Variants in SOX5 observed in about 807,000 individuals in gnomAD.
SOX5 encodes transcription factor SOX-5.
Under a neutral mutation model 92.0 loss-of-function variants are expected in SOX5, and 9 were observed. The observed-to-expected ratio is 0.10, with a 90% CI of 0.06 to 0.17. The LOEUF is 0.17. Ranked by LOEUF, SOX5 falls within the 10% of genes least tolerant of loss-of-function variation. The pLI is 1.00. For missense variants in SOX5, 642 were observed against 944.5 expected (o/e 0.68, Z 4.20); for synonymous variants, 344 against 336.3 (o/e 1.02, Z -0.25).
At chr12:24,320,069 C>T (rs1367551699) in intron 2 of SOX5, among the ~76,000 whole-genome samples, 3 of 152,172 alleles carry the variant, frequency 2.0e-5, no homozygotes, top group African/African-American at 7.2e-5. Context: ...ATTCATTTTG[C>T]ATTCTCAGTG....
chr12:23,876,562 C>A (rs981250847), intron 2 of SOX5, among the ~76,000 whole-genome samples: 2 of 152,178 alleles, frequency 1.3e-5, no homozygotes, highest in Admixed American at 1.3e-4. Context: ...TTGTGGAAGA[C>A]AGTGTGGCGA....
At position 24,304,304 on chromosome 12, in the gene SOX5, G is replaced by A. The variant is rs1470525429; in HGVS notation, c.-173-26992C>T. Among the ~76,000 whole-genome samples, 3 of 152,254 alleles carry A rather than the reference G, an allele frequency of 2.0e-5. No individual in the cohort carries two copies. In the South Asian group the frequency reaches 6.2e-4, roughly 32 times the overall value. ...TTGGTTTTAGAATATCGGATATGTT[G>A]GGTAGAAGAATGGAAAATGAAGTAG... On this transcript the variant is annotated intron_variant, in intron 2 of 4. Transcript: ENST00000446891.
intron 4 of SOX5, among the ~76,000 whole-genome samples, chr12:24,190,433 C>T (rs1351971020): frequency 1.3e-5 from 2 of 152,144 alleles, no homozygotes; most frequent in Non-Finnish European, 1.5e-5. Flanking sequence ...AAAACCTATA[C>T]GGAGGTCTCC....
chr12:23,624,300 C>T (rs2077510678), intron 8 of SOX5, among the ~76,000 whole-genome samples: 1 of 151,996 alleles, frequency 6.6e-6, no homozygotes, highest in South Asian at 2.1e-4. Context: ...TATGTAATGC[C>T]ACTGAACTGT....
chr12:23,713,376 G>T (rs941047677), intron 6 of SOX5, among the ~76,000 whole-genome samples: 19 of 152,104 alleles, frequency 1.2e-4, no homozygotes, highest in African/African-American at 4.6e-4. Context: ...AAGTTTGTGG[G>T]TAATTTATTA....
intron 1 of SOX5, among the ~76,000 whole-genome samples, chr12:24,423,313 T>C (rs1368618266): frequency 6.6e-6 from 1 of 152,202 alleles, no homozygotes; most frequent in East Asian, 1.9e-4. Context: ...AAGGCTTATA[T>C]TTTCTTGACC....
chr12:23,931,812 T>A (rs879186881), intron 1 of SOX5, among the ~76,000 whole-genome samples: 1 of 151,700 alleles, frequency 6.6e-6, no homozygotes, highest in Admixed American at 6.6e-5. Context: ...GTATGAACTC[T>A]AACAAAATAC....
At chr12:24,098,447 G>A (rs1569541857) in intron 4 of SOX5, among the ~76,000 whole-genome samples, 1 of 152,026 alleles carries the variant, frequency 6.6e-6, no homozygotes, top group South Asian at 2.1e-4. Flanking sequence ...GTATCAAGTT[G>A]ACCCTTTAAC....
intron 7 of SOX5, among the ~76,000 whole-genome samples, chr12:23,662,373 C>T (rs887870995): frequency 1.3e-5 from 2 of 152,154 alleles, no homozygotes; most frequent in African/African-American, 4.8e-5. Flanking sequence ...ACATCAACAT[C>T]TGTGAACTGA....
intron 4 of SOX5, 70 bp from the exon 5 acceptor site, chr12:23,741,109 CT>C: frequency 8.4e-7 from 1 of 1,192,636 alleles, no homozygotes; most frequent in Non-Finnish European, 1.1e-6. Context: ...GAAAATGGCT[CT>C]GTTGTATACA....
At chr12:24,531,281 T>G (rs559531522) in intron 1 of SOX5, among the ~76,000 whole-genome samples, 59 of 152,300 alleles carry the variant, frequency 3.9e-4, no homozygotes, top group African/African-American at 1.4e-3. Context: ...ATCTGAAAAC[T>G]TAATATGAGA....
At chr12:23,539,879 AT>A (rs1941545603) in intron 13 of SOX5, among the ~76,000 whole-genome samples, 1 of 152,174 alleles carries the variant, frequency 6.6e-6, no homozygotes, top group Non-Finnish European at 1.5e-5. Flanking sequence ...TGACTACTAT[AT>A]TTTATGACAG....
intron 1 of SOX5, among the ~76,000 whole-genome samples, chr12:24,509,371 A>G (rs572530708): frequency 6.6e-6 from 1 of 151,890 alleles, no homozygotes; most frequent in Non-Finnish European, 1.5e-5. Flanking sequence ...TTTTTCCTCC[A>G]TAGTAGTCTC....
intron 1 of SOX5, among the ~76,000 whole-genome samples, chr12:24,554,347 C>T (rs1307006496): frequency 1.3e-5 from 2 of 152,146 alleles, no homozygotes; most frequent in African/African-American, 4.8e-5. Context: ...AACACACTGT[C>T]AAAAGTATGA....
chr12:24,130,119 G>A (rs1287490093), intron 4 of SOX5, among the ~76,000 whole-genome samples: 1 of 152,124 alleles, frequency 6.6e-6, no homozygotes, highest in South Asian at 2.1e-4. Flanking sequence ...AGTGTGAGAG[G>A]GAACTACAGG....
intron 1 of SOX5, among the ~76,000 whole-genome samples, chr12:24,424,780 G>C (rs1285082314): frequency 1.4e-5 from 2 of 147,594 alleles, no homozygotes; most frequent in Non-Finnish European, 3.0e-5. Context: ...TGTATGATCT[G>C]GGCTCTTTTC....
intron 4 of SOX5, among the ~76,000 whole-genome samples, chr12:24,030,151 T>C (rs1250807177): frequency 1.3e-5 from 2 of 151,972 alleles, no homozygotes; most frequent in Non-Finnish European, 2.9e-5. Context: ...TTTGTGGCTA[T>C]ATTATGCCAA....
intron 8 of SOX5, among the ~76,000 whole-genome samples, chr12:23,613,292 G>A (rs1264462842): frequency 6.6e-6 from 1 of 151,112 alleles, no homozygotes; most frequent in Non-Finnish European, 1.5e-5. Flanking sequence ...AAAAGCAGAA[G>A]AGATACTGCT....
At chr12:23,808,131 A>T (rs370740725) in intron 3 of SOX5, among the ~76,000 whole-genome samples, 11 of 137,158 alleles carry the variant, frequency 8.0e-5, no homozygotes, top group African/African-American at 1.9e-4. Flanking sequence ...ATATATATAT[A>T]TTTTTATATG....
Sources: allele counts gnomAD v4.1 joint callset (sites outside exome capture counted in the v4.1 genomes callset), GRCh38; gene constraint gnomAD v4.1.1; transcripts MANE v1.5; gene names NCBI Gene and HGNC (gene_info 2026-07-23, HGNC 2026-07-21).